Variants in CSMD1 observed in about 807,000 individuals in gnomAD.
The protein encoded by CSMD1 is CUB and sushi domain-containing protein 1.
CSMD1 carries 213 observed loss-of-function variants against 417.5 expected under a neutral mutation model. That is an observed-to-expected ratio of 0.51 (90% CI 0.46 to 0.57). CSMD1 has a LOEUF of 0.57. Among genes scored for constraint, CSMD1 ranks in the 20% least tolerant of loss-of-function variants. The pLI, the probability that CSMD1 is intolerant of heterozygous loss-of-function variation, is 0.00. For missense variants in CSMD1, 6,923 were observed against 4,529.7 expected, an observed-to-expected ratio of 1.53 and a Z score of -15.17; for synonymous variants, 2,862 against 1,736.8, an observed-to-expected ratio of 1.65 and a Z score of -16.11.
intron 62 of CSMD1, among the ~76,000 whole-genome samples, chr8:2,958,217 A>G (rs984412260): frequency 2.0e-5 from 3 of 152,198 alleles, no homozygotes; most frequent in Non-Finnish European, 4.4e-5. Flanking sequence ...CTACTCATAC[A>G]GAGTCCACCA....
At chr8:4,680,178 T>G (rs1245044799) in intron 1 of CSMD1, among the ~76,000 whole-genome samples, 2 of 152,200 alleles carry the variant, frequency 1.3e-5, no homozygotes, top group Non-Finnish European at 2.9e-5. Context: ...GACCTGTTCT[T>G]AGGAATTTCT....
At chr8:3,841,690 C>T (rs1297024942) in intron 5 of CSMD1, among the ~76,000 whole-genome samples, 2 of 152,000 alleles carry the variant, frequency 1.3e-5, no homozygotes, top group East Asian at 1.9e-4. Flanking sequence ...AATTTTAGAA[C>T]CTAGTGATTA....
chr8:2,955,922 G>A (rs1802975009), intron 63 of CSMD1, among the ~76,000 whole-genome samples, 154 bp from the exon 64 acceptor site: 1 of 151,106 alleles, frequency 6.6e-6, no homozygotes, highest in Non-Finnish European at 1.5e-5. Context: ...ATTTTTTTTG[G>A]TAGAGATGAA....
intron 6 of CSMD1, among the ~76,000 whole-genome samples, chr8:3,738,285 G>A (rs369659379): frequency 5.0e-4 from 76 of 152,302 alleles, no homozygotes; most frequent in Admixed American, 9.2e-4. Context: ...GTGGAAGGAA[G>A]AGAAGTCTTA....
chr8:4,270,501 C>T (rs940963278), intron 3 of CSMD1, among the ~76,000 whole-genome samples: 2 of 152,074 alleles, frequency 1.3e-5, no homozygotes, highest in Non-Finnish European at 2.9e-5. Context: ...TATCTCCAGG[C>T]TTTTCTGAGT....
chr8:3,509,002 C>T (rs1488429739), intron 10 of CSMD1, among the ~76,000 whole-genome samples: 1 of 152,146 alleles, frequency 6.6e-6, no homozygotes, highest in East Asian at 1.9e-4. Flanking sequence ...AGTGCAAATC[C>T]CAGCTTTGTC....
chr8:4,231,205 G>T (rs909966560), intron 3 of CSMD1, among the ~76,000 whole-genome samples: 8 of 152,176 alleles, frequency 5.3e-5, no homozygotes, highest in African/African-American at 9.7e-5. Flanking sequence ...GAGTCTAAAT[G>T]AAAGGCATTG....
chr8:3,292,605 C>A (rs1306027441), intron 25 of CSMD1, among the ~76,000 whole-genome samples: 1 of 152,074 alleles, frequency 6.6e-6, no homozygotes, highest in Non-Finnish European at 1.5e-5. Flanking sequence ...CTCTTTTGAT[C>A]TTTGTTGGTT....
At chr8:3,579,833 G>C (rs947774097) in intron 9 of CSMD1, among the ~76,000 whole-genome samples, 2 of 152,236 alleles carry the variant, frequency 1.3e-5, no homozygotes, top group Non-Finnish European at 2.9e-5. Flanking sequence ...GGCCAGTGTG[G>C]TGGCTCACGC....
rs545657162 is a variant in CSMD1 at position 4,655,428 on chromosome 8, T to C, written c.86-17870A>G. ...TGTTAAACAAAAACAATTTTAGGTA[T>C]AAAATGGAAATGTGAAGTTACAGAC... On this transcript the variant is annotated intron_variant, in intron 1 of 69. Transcript: ENST00000635120. 1.4e-4 allele frequency among the ~76,000 whole-genome samples: 22 copies of C among 152,218 alleles called. 1 individual carries two copies. Among genetic ancestry groups the C allele is most frequent in the African/African-American group, 5.1e-4 (21 of 41,474 alleles).
chr8:3,269,041 A>C (rs563745114), intron 26 of CSMD1, among the ~76,000 whole-genome samples: 14 of 152,342 alleles, frequency 9.2e-5, no homozygotes, highest in African/African-American at 2.6e-4. Context: ...ATTTGTAATC[A>C]ATCTCGCTAA....
chr8:3,652,868 C>T (rs1371493538), intron 7 of CSMD1, among the ~76,000 whole-genome samples: 1 of 152,262 alleles, frequency 6.6e-6, no homozygotes, highest in South Asian at 2.1e-4. Context: ...ACAGAGGGTG[C>T]ACACAGTCAG....
rs185863560 is a variant in CSMD1 at position 3,570,815 on chromosome 8, A to G, written c.1344+4130T>C. ...AGCGTTCTCACAGTGCAATGGGACG[A>G]CAAGGAGTTTCACTTTCCGGGATCT... On this transcript the variant is annotated intron_variant, in intron 10 of 69. Transcript: ENST00000635120. Among the ~76,000 whole-genome samples, 13 of 152,318 alleles carry G rather than the reference A, an allele frequency of 8.5e-5. No homozygotes were observed. In the East Asian group the frequency reaches 2.3e-3, roughly 27 times the overall value.
At chr8:4,975,598 T>C (rs1441997581) in intron 1 of CSMD1, among the ~76,000 whole-genome samples, 1 of 152,118 alleles carries the variant, frequency 6.6e-6, no homozygotes, top group Non-Finnish European at 1.5e-5. Flanking sequence ...AGAAACCCCA[T>C]CCTGTAGGCT....
chr8:4,848,308 A>T (rs1448745415), intron 1 of CSMD1, among the ~76,000 whole-genome samples: 1 of 152,246 alleles, frequency 6.6e-6, no homozygotes, highest in Admixed American at 6.5e-5. Context: ...GTGTGAATAC[A>T]GTCATGTGCT....
chr8:3,895,565 A>C (rs1055794401), intron 5 of CSMD1, among the ~76,000 whole-genome samples: 1 of 152,226 alleles, frequency 6.6e-6, no homozygotes, highest in African/African-American at 2.4e-5. Context: ...ACATGAAATA[A>C]GCATATATGG....
At chr8:4,584,424 G>A (rs1054844252) in intron 2 of CSMD1, among the ~76,000 whole-genome samples, 4 of 152,008 alleles carry the variant, frequency 2.6e-5, no homozygotes, top group East Asian at 3.9e-4. Context: ...GCTAAATACC[G>A]GGCACCTGTC....
chr8:3,863,128 T>C (rs781008429), intron 5 of CSMD1, among the ~76,000 whole-genome samples: 27 of 152,110 alleles, frequency 1.8e-4, no homozygotes, highest in Non-Finnish European at 3.2e-4. Flanking sequence ...TCGGGCGCGG[T>C]GGCTAATGCC....
At chr8:3,654,688 C>T (rs77114679) in intron 7 of CSMD1, among the ~76,000 whole-genome samples, 1,982 of 152,266 alleles carry the variant, frequency 0.013, 27 homozygotes, top group African/African-American at 0.035. Context: ...GGCTGAGATT[C>T]GGGTCAGAGC....
Sources: gnomAD v4.1 joint callset for allele counts (sites outside exome capture counted in the v4.1 genomes callset) on GRCh38, gnomAD v4.1.1 for gene constraint, MANE v1.5 for transcripts, NCBI Gene and HGNC (gene_info 2026-07-23, HGNC 2026-07-21) for gene names.